The following KIRREL3 variants were observed in gnomAD, a reference collection of about 807,000 sequenced individuals.
KIRREL3 encodes the protein kirre like nephrin family adhesion molecule 3.
KIRREL3 carries 36 observed loss-of-function variants against 89.7 expected under a neutral mutation model. The observed-to-expected ratio is 0.40, with a 90% CI of 0.31 to 0.53. The LOEUF is 0.53. Among genes scored for constraint, KIRREL3 ranks in the 20% least tolerant of loss-of-function variants. The pLI, the probability that KIRREL3 is intolerant of heterozygous loss-of-function variation, is 0.49. For missense variants in KIRREL3, 864 were observed against 1,056.6 expected, an observed-to-expected ratio of 0.82 and a Z score of 2.53; for synonymous variants, 445 against 441.4, an observed-to-expected ratio of 1.01 and a Z score of -0.10.
At chr11:126,536,403 T>G (rs1294770521) in intron 2 of KIRREL3, among the ~76,000 whole-genome samples, 1 of 152,156 alleles carries the variant, frequency 6.6e-6, no homozygotes, top group Non-Finnish European at 1.5e-5. Context: ...CTTCTAGGGA[T>G]GCATTCTGGA....
chr11:126,912,821 A>G lies in KIRREL3; in HGVS notation c.55+87634T>C, dbSNP rs984914203. Among the ~76,000 whole-genome samples the G allele has an allele frequency of 3.9e-5, 6 of 152,224 alleles. No individual in the cohort carries two copies. Among genetic ancestry groups the G allele is most frequent in the Non-Finnish European group, 5.9e-5 (4 of 68,040 alleles). ...GAAGAGGAACTTGGCGTGATAATGG[A>G]ACCTAGTGATGAAATTTCTTGGCCA... On this transcript the variant is annotated intron_variant, in intron 1 of 16. Coordinates refer to ENST00000525144, the MANE Select transcript of KIRREL3 (RefSeq NM_032531.4). The surrounding 1 kb of genome is among the most constrained non-coding windows in gnomAD (Gnocchi z 4.7).
chr11:126,933,652 A>T (rs958357116), intron 1 of KIRREL3, among the ~76,000 whole-genome samples: 1 of 152,050 alleles, frequency 6.6e-6, no homozygotes, highest in African/African-American at 2.4e-5. Context: ...ACACACAAGA[A>T]ATCATCCAAA....
chr11:126,641,348 T>C lies in KIRREL3; in HGVS notation c.56-78436A>G, dbSNP rs1944460751. On this transcript the variant is annotated intron_variant, in intron 1 of 16. Coordinates refer to ENST00000525144, the MANE Select transcript of KIRREL3 (RefSeq NM_032531.4). This position sits in a 1 kb window ranked among gnomAD's most constrained non-coding sequence, Gnocchi z 5.0. The stretch of plus-strand genomic sequence containing the variant: ...TCATGGTTCTGGGTTTAGCAGGGTC[T>C]CTACTCCAGGCCTTGTCTCTGAAGA... Among the ~76,000 whole-genome samples the C allele has an allele frequency of 6.6e-6, 1 of 151,936 alleles. No homozygotes were observed. The highest frequency in any genetic ancestry group is 1.5e-5 in the Non-Finnish European group (1 of 67,996).
At position 126,570,541 on chromosome 11, in the gene KIRREL3, C is replaced by T. The variant is rs2134621959; in HGVS notation, c.56-7629G>A. Among the ~76,000 whole-genome samples, 1 of 152,338 alleles carries T rather than the reference C, an allele frequency of 6.6e-6. No homozygotes were observed. Among genetic ancestry groups the T allele is most frequent in the South Asian group, 2.1e-4 (1 of 4,828 alleles). On this transcript the variant is annotated intron_variant, in intron 1 of 16. Transcript: ENST00000525144. This position sits in a 1 kb window ranked among gnomAD's most constrained non-coding sequence, Gnocchi z 6.1. ...AGCCCATCTCACCAGCTCCAGCAGG[C>T]AGCAAGCCTCCCTCACACACCTGCT...
intron 1 of KIRREL3, among the ~76,000 whole-genome samples, chr11:126,770,899 G>A (rs1031858347): frequency 3.3e-5 from 5 of 152,114 alleles, no homozygotes; most frequent in Non-Finnish European, 5.9e-5. Flanking sequence ...GGAGTGGTGC[G>A]ATCTCGGCTC....
At chr11:126,425,146 C>A (rs1591511721) in intron 16 of KIRREL3, 123 bp from the exon 17 acceptor site, 2 of 912,282 alleles carry the variant, frequency 2.2e-6, no homozygotes, top group Non-Finnish European at 3.2e-6. Context: ...AGGAAGGGAG[C>A]AACCTGGTAG....
chr11:126,660,042 T>C (rs1346306), intron 1 of KIRREL3, among the ~76,000 whole-genome samples: 112,587 of 152,120 alleles, frequency 0.74, 42,429 homozygotes, highest in East Asian at 1. Flanking sequence ...GCAGGGACAA[T>C]TGCGCAGCTT....
chr11:126,832,659 G>A (rs1943647641), intron 1 of KIRREL3, among the ~76,000 whole-genome samples: 1 of 152,160 alleles, frequency 6.6e-6, no homozygotes, highest in Admixed American at 6.5e-5. Context: ...GTCTTCTTTG[G>A]AAGGGCTCTG....
In KIRREL3 at chr11:126,503,782, C is replaced by G. The variant is rs192111215; in HGVS notation, c.433+17533G>C. 3.0e-3 allele frequency among the ~76,000 whole-genome samples: 450 copies of G among 149,984 alleles called. 1 individual carries two copies. Among genetic ancestry groups the G allele is most frequent in the Non-Finnish European group, 5.1e-3 (345 of 67,320 alleles). ...GAGAGAATCTCCCTCTCCCTCTTTC[C>G]CTCCCTCTCCTTCTCTCTCTGTCTC... is the stretch of plus-strand genomic sequence containing the variant. On this transcript the variant is annotated intron_variant, in intron 4 of 16. Coordinates refer to ENST00000525144, the MANE Select transcript of KIRREL3 (RefSeq NM_032531.4).
At chr11:126,711,444 C>T (rs1947751151) in intron 1 of KIRREL3, among the ~76,000 whole-genome samples, 1 of 152,136 alleles carries the variant, frequency 6.6e-6, no homozygotes, top group African/African-American at 2.4e-5. Context: ...TGCCTATAAT[C>T]CCAGCTACTT....
At position 126,755,631 on chromosome 11, in the gene KIRREL3, G is replaced by A. The variant is rs1033543661; in HGVS notation, c.56-192719C>T. Among the ~76,000 whole-genome samples, 1 of 152,170 alleles carries A rather than the reference G, an allele frequency of 6.6e-6. No individual in the cohort carries two copies. The highest frequency in any genetic ancestry group is 2.4e-5 in the African/African-American group (1 of 41,446). On this transcript the variant is annotated intron_variant, in intron 1 of 16. Transcript: ENST00000525144. This position sits in a 1 kb window ranked among gnomAD's most constrained non-coding sequence, Gnocchi z 4.3. ...GCGTGCTGACACTCTCAACTTCCCTGAGTGCCTGTACACCCCCGCCCCCAA... is the reference window on the plus strand; with the variant it reads ...GCGTGCTGACACTCTCAACTTCCCTAAGTGCCTGTACACCCCCGCCCCCAA...
intron 1 of KIRREL3, among the ~76,000 whole-genome samples, chr11:126,598,386 A>G (rs1319764680): frequency 6.6e-6 from 1 of 152,248 alleles, no homozygotes; most frequent in East Asian, 1.9e-4. Context: ...TTAACCAAAT[A>G]TGGATTTCCT....
In KIRREL3 at chr11:126,861,705, G is replaced by A. The variant is rs74561369; in HGVS notation, c.55+138750C>T. Among the ~76,000 whole-genome samples, 282 of 152,292 alleles carry A rather than the reference G, an allele frequency of 1.9e-3. 11 individuals are homozygous for A. In the East Asian group the frequency reaches 0.053, roughly 29 times the overall value. ...ATTACAGAGAGCTATGCAAATGTAC[G>A]CTGGTATATTCACGTTTTATCTGGC... On this transcript the variant is annotated intron_variant, in intron 1 of 16. Coordinates refer to ENST00000525144, the MANE Select transcript of KIRREL3 (RefSeq NM_032531.4).
In KIRREL3 at chr11:126,516,981, GC is replaced by G. The variant is rs1235402611; in HGVS notation, c.433+4333del. Among the ~76,000 whole-genome samples, 2 of 152,162 alleles carry G rather than the reference GC, an allele frequency of 1.3e-5. No homozygotes were observed. Among genetic ancestry groups the G allele is most frequent in the Admixed American group, 6.5e-5 (1 of 15,276 alleles). On this transcript the variant is annotated intron_variant, in intron 4 of 16. Coordinates refer to ENST00000525144, the MANE Select transcript of KIRREL3 (RefSeq NM_032531.4). This position sits in a 1 kb window ranked among gnomAD's most constrained non-coding sequence, Gnocchi z 4.9. ...AATCCCAGCTACTCAGGAGGCTGGA[GC>G]AGGAGGACCCAGAAGGCGGAGGTTG...
At chr11:126,700,517 G>A (rs1354850804) in intron 1 of KIRREL3, among the ~76,000 whole-genome samples, 4 of 152,226 alleles carry the variant, frequency 2.6e-5, no homozygotes, top group Admixed American at 6.5e-5. Flanking sequence ...TGGCAAAACT[G>A]CAATTACTTT....
intron 1 of KIRREL3, among the ~76,000 whole-genome samples, chr11:126,720,234 T>C (rs1305933360): frequency 6.6e-6 from 1 of 152,218 alleles, no homozygotes; most frequent in African/African-American, 2.4e-5. Context: ...CTACTGTATC[T>C]CCAGTGCTCA....
chr11:126,798,038 CTG>C lies in KIRREL3; in HGVS notation c.55+202415_55+202416del, dbSNP rs554348466. Among the ~76,000 whole-genome samples, 36 of 152,266 alleles carry C rather than the reference CTG, an allele frequency of 2.4e-4. No homozygotes were observed. The East Asian group carries it at 6.8e-3, about 29-fold the overall frequency. On this transcript the variant is annotated intron_variant, in intron 1 of 16. Coordinates refer to ENST00000525144, the MANE Select transcript of KIRREL3 (RefSeq NM_032531.4). Reference sequence around the variant, plus strand: ...GGGCCAGGTGGATTTCTGCTCCCCACTGTGAGAATCTGATGACTGTGGAAGTG... The same window carrying C: ...GGGCCAGGTGGATTTCTGCTCCCCACTGAGAATCTGATGACTGTGGAAGTG...
chr11:126,850,545 A>T (rs1565350630), intron 1 of KIRREL3, among the ~76,000 whole-genome samples: 1 of 152,054 alleles, frequency 6.6e-6, no homozygotes, highest in Non-Finnish European at 1.5e-5. Flanking sequence ...CTTTTTTAAC[A>T]CTTTGCTTCA....
chr11:126,725,467 C>T (rs1948342490), intron 1 of KIRREL3, among the ~76,000 whole-genome samples: 1 of 152,222 alleles, frequency 6.6e-6, no homozygotes, highest in Admixed American at 6.5e-5. Context: ...TCTTTCTTGA[C>T]ATCTCCATAC....
Sources: gnomAD v4.1 joint callset for allele counts (sites outside exome capture counted in the v4.1 genomes callset) on GRCh38, gnomAD v4.1.1 for gene constraint, Gnocchi (gnomAD v3.1) non-coding constraint, MANE v1.5 for transcripts, NCBI Gene and HGNC (gene_info 2026-07-23, HGNC 2026-07-21) for gene names.